RPAP2: variants seen among roughly 807,000 people sequenced by gnomAD.
RPAP2 encodes putative RNA polymerase II subunit B1 CTD phosphatase RPAP2.
Under a neutral mutation model 73.1 loss-of-function variants are expected in RPAP2, and 52 were observed. That is an observed-to-expected ratio of 0.71 (90% CI 0.57 to 0.90). The LOEUF is 0.90. Ranked by LOEUF, RPAP2 falls within the 40% of genes least tolerant of loss-of-function variation. The pLI is 0.00. For synonymous variants in RPAP2, 225 were observed against 242.1 expected, an observed-to-expected ratio of 0.93 and a Z score of 0.65; for missense variants, 598 against 701.8, an observed-to-expected ratio of 0.85 and a Z score of 1.67.
intron 11 of RPAP2, among the ~76,000 whole-genome samples, chr1:92,367,568 T>C (rs1438306857): frequency 6.6e-6 from 1 of 152,214 alleles, no homozygotes; most frequent in Non-Finnish European, 1.5e-5. Flanking sequence ...ATGTTATCTT[T>C]TAGCAGTCTT....
At position 92,305,432 on chromosome 1, in the gene RPAP2, C is replaced by CAAAAAAA. The variant is rs71091273; in HGVS notation, c.399+1096_399+1102dup. On this transcript the variant is annotated intron_variant, in intron 5 of 12. Coordinates refer to ENST00000610020, the MANE Select transcript of RPAP2 (RefSeq NM_024813.3). ...GGGGCAACAGAGTGAGGCTCCGTCT[C>CAAAAAAA]AAAAAAAAAAAAAAAAAAAGACAAT... is the stretch of plus-strand genomic sequence containing the variant. Among the ~76,000 whole-genome samples the CAAAAAAA allele has an allele frequency of 4.5e-3, 238 of 52,672 alleles. 22 individuals carry two copies. The highest frequency in any genetic ancestry group is 0.011 in the African/African-American group (86 of 7,516). The allele number at this position is 52,672 out of a possible 152,430, so 34.6% of individuals were successfully genotyped here.
chr1:92,343,023 A>G (rs575641772), intron 10 of RPAP2, among the ~76,000 whole-genome samples: 1 of 152,326 alleles, frequency 6.6e-6, no homozygotes, highest in Non-Finnish European at 1.5e-5. Flanking sequence ...AGTTGTCAGC[A>G]TATAGTTTCT....
At chr1:92,320,725 C>T (rs1652205915) in intron 7 of RPAP2, 91 bp downstream of exon 7, 2 of 936,762 alleles carry the variant, frequency 2.1e-6, no homozygotes, top group Non-Finnish European at 3.4e-6. Flanking sequence ...CTTGGACTTC[C>T]TGTGCTGATG....
intron 6 of RPAP2, among the ~76,000 whole-genome samples, chr1:92,311,637 T>C (rs534468751): frequency 6.6e-6 from 1 of 152,318 alleles, no homozygotes; most frequent in African/African-American, 2.4e-5. Context: ...TTGACCTAAT[T>C]TGGTCTTTCT....
intron 12 of RPAP2, among the ~76,000 whole-genome samples, chr1:92,386,197 TTA>T (rs1655858495): frequency 6.6e-6 from 1 of 152,180 alleles, no homozygotes; most frequent in Non-Finnish European, 1.5e-5. Context: ...ATTCTGTTAG[TTA>T]GAAACTAGTC....
At chr1:92,332,443 G>A (rs1194666721) in intron 8 of RPAP2, among the ~76,000 whole-genome samples, 1 of 152,032 alleles carries the variant, frequency 6.6e-6, no homozygotes, top group African/African-American at 2.4e-5. Flanking sequence ...ATTGATCTCT[G>A]TAGGCTGTTT....
chr1:92,326,849 G>C (rs1652662062), intron 8 of RPAP2, among the ~76,000 whole-genome samples: 5 of 152,214 alleles, frequency 3.3e-5, no homozygotes. Context: ...GGGCAGGAAG[G>C]GCTGAGAACT....
At chr1:92,352,026 T>C (rs772721634) in intron 11 of RPAP2, among the ~76,000 whole-genome samples, 9 of 152,296 alleles carry the variant, frequency 5.9e-5, no homozygotes, top group Middle Eastern at 3.4e-3. Context: ...TCAGAAAGGA[T>C]AGAGGATAAA....
intron 8 of RPAP2, 54 bp downstream of exon 8, chr1:92,324,429 C>T (rs1003027992): frequency 2.0e-5 from 26 of 1,300,182 alleles, no homozygotes; most frequent in Non-Finnish European, 2.7e-5. Flanking sequence ...GGAAAACTCA[C>T]CACAGCAAAT....
intron 10 of RPAP2, among the ~76,000 whole-genome samples, chr1:92,339,054 TTA>T (rs1449444838): frequency 6.6e-6 from 1 of 152,222 alleles, no homozygotes; most frequent in Non-Finnish European, 1.5e-5. Context: ...TACACACTTT[TTA>T]TCTAGCTTAT....
chr1:92,401,788 A>G lies in RPAP2; in HGVS notation c.*14777A>G, dbSNP rs1656323160. The G allele has an allele frequency of 6.6e-6, 1 of 152,210 alleles. No homozygotes were observed. Among genetic ancestry groups the G allele is most frequent in the Admixed American group, 6.5e-5 (1 of 15,276 alleles). The allele number at this position is 152,210 out of a possible 1,614,324, so 9.4% of individuals were successfully genotyped here. A position where few individuals can be genotyped will look rare whatever the true frequency, so the allele number is the denominator to read the frequency against. ...TCAAAGGCTTTTAATGCATCTATGG[A>G]GATGATCCAAGTTTTTTTCCTCCTT... On this transcript the variant is annotated 3_prime_UTR_variant, in exon 13 of 13. Transcript: ENST00000610020.
intron 11 of RPAP2, among the ~76,000 whole-genome samples, chr1:92,346,661 A>G (rs1414555938): frequency 6.6e-6 from 1 of 152,214 alleles, no homozygotes; most frequent in Non-Finnish European, 1.5e-5. Context: ...ATTAATGTAC[A>G]TTTTTAAAAT....
In RPAP2 at chr1:92,324,054, G is replaced by C. The variant is rs769587039; in HGVS notation, c.1134G>C (p.Lys378Asn). 4.3e-6 allele frequency: 7 copies of C among 1,613,892 alleles called. No homozygotes were observed. Among genetic ancestry groups the C allele is most frequent in the African/African-American group, 1.3e-5 (1 of 74,878 alleles). ...KVLKETLIEW[K>N]TEETLRFLYG... ...TGAAGGAGACTTTGATTGAGTGGAA[G>C]ACAGAAGAAACATTGAGGTTTTTGT... Residue 378 changes from lysine (K) to asparagine (N), a missense_variant, in exon 8 of 13, where the codon AAG (lysine) becomes AAC (asparagine). Coordinates refer to ENST00000610020, the MANE Select transcript of RPAP2 (RefSeq NM_024813.3).
At chr1:92,354,317 G>A (rs1654357580) in intron 11 of RPAP2, among the ~76,000 whole-genome samples, 1 of 151,998 alleles carries the variant, frequency 6.6e-6, no homozygotes, top group Non-Finnish European at 1.5e-5. Flanking sequence ...CAATCTTAGA[G>A]TATTGAAAAA....
chr1:92,387,021 T>G lies in RPAP2; in HGVS notation c.*10T>G, dbSNP rs372498881. 1.3e-6 allele frequency: 2 copies of G among 1,589,408 alleles called. No individual in the cohort carries two copies. The highest frequency in any genetic ancestry group is 1.1e-5 in the South Asian group (1 of 88,316). Reference sequence around the variant, plus strand: ...TTTTTTGCTTCACAGATATATTCCATGAAGACAAAATAGAAGATGAACTTC... The same window carrying G: ...TTTTTTGCTTCACAGATATATTCCAGGAAGACAAAATAGAAGATGAACTTC... On this transcript the variant is annotated 3_prime_UTR_variant, in exon 13 of 13. Coordinates refer to ENST00000610020, the MANE Select transcript of RPAP2 (RefSeq NM_024813.3).
chr1:92,373,693 C>T (rs535714306), intron 11 of RPAP2, among the ~76,000 whole-genome samples: 5 of 128,844 alleles, frequency 3.9e-5, no homozygotes, highest in South Asian at 2.6e-4. Context: ...GTCAGGAGTT[C>T]GAGAGCAGCC....
At chr1:92,337,883 CA>C (rs1199004712) in intron 10 of RPAP2, among the ~76,000 whole-genome samples, 1 of 152,002 alleles carries the variant, frequency 6.6e-6, no homozygotes, top group African/African-American at 2.4e-5. Context: ...TACATTTCTG[CA>C]AAGTTTGAGT....
Position 92,323,824 on chromosome 1 carries a change from A to G in RPAP2, c.904A>G (p.Asn302Asp), listed in dbSNP as rs1330405576. 2 of 1,614,006 alleles carry G rather than the reference A, an allele frequency of 1.2e-6. No individual in the cohort carries two copies. The highest frequency in any genetic ancestry group is 1.3e-5 in the African/African-American group (1 of 74,952). Residue 302 changes from asparagine (N) to aspartate (D), a missense_variant, in exon 8 of 13, where the codon AAT becomes GAT. Asn to Asp is a conservative substitution (Grantham distance 23). Transcript: ENST00000610020. The stretch of plus-strand genomic sequence containing the variant: ...GAAAGTAAATACTCAGAGTTCTTCA[A>G]ATAGCACTTTGCCTGAAAGATTAAA... ...LQKVNTQSSS[N>D]STLPERLKAS...
At chr1:92,323,213 A>AC (rs1207407717) in intron 7 of RPAP2, among the ~76,000 whole-genome samples, 1 of 151,332 alleles carries the variant, frequency 6.6e-6, no homozygotes, top group Admixed American at 6.6e-5. Context: ...AAGGAAGAAT[A>AC]CAGAAGGAGA....
Sources: gnomAD v4.1 joint callset for allele counts (sites outside exome capture counted in the v4.1 genomes callset) on GRCh38, gnomAD v4.1.1 for gene constraint, MANE v1.5 for transcripts, NCBI Gene and HGNC (gene_info 2026-07-23, HGNC 2026-07-21) for gene names.